ATE1: variants seen among roughly 807,000 people sequenced by gnomAD.
The protein encoded by ATE1 is arginyl-tRNA--protein transferase 1.
Under a neutral mutation model 70.5 loss-of-function variants are expected in ATE1, and 36 were observed. That is an observed-to-expected ratio of 0.51 (90% CI 0.39 to 0.67). ATE1 has a LOEUF of 0.67. ATE1 is among the 30% of genes least tolerant of loss of function. ATE1 has a pLI of 0.00. For missense variants in ATE1, 593 were observed against 629.5 expected, an observed-to-expected ratio of 0.94 and a Z score of 0.62; for synonymous variants, 232 against 219.3, an observed-to-expected ratio of 1.06 and a Z score of -0.51.
At chr10:121,803,283 T>C (rs1195165707) in intron 10 of ATE1, among the ~76,000 whole-genome samples, 1 of 152,202 alleles carries the variant, frequency 6.6e-6, no homozygotes, top group Non-Finnish European at 1.5e-5. Flanking sequence ...ATCGTATTTC[T>C]TAAAAAGAGA....
intron 1 of ATE1, among the ~76,000 whole-genome samples, 181 bp from the exon 2 acceptor site, chr10:121,924,510 C>T (rs1952007071): frequency 6.6e-6 from 1 of 151,972 alleles, no homozygotes; most frequent in Non-Finnish European, 1.5e-5. Flanking sequence ...ACCAGCCTGG[C>T]CAACATGGTG....
intron 8 of ATE1, among the ~76,000 whole-genome samples, chr10:121,851,204 G>T (rs569261823): frequency 6.8e-6 from 1 of 147,810 alleles, no homozygotes; most frequent in South Asian, 2.2e-4. Context: ...CAGATCGCTT[G>T]AGTCCAGGAG....
intron 10 of ATE1, among the ~76,000 whole-genome samples, chr10:121,791,520 T>C (rs1268225289): frequency 6.6e-6 from 1 of 152,230 alleles, no homozygotes; most frequent in Non-Finnish European, 1.5e-5. Flanking sequence ...TTTGAAAACA[T>C]TTTGTGAAAA....
At position 121,876,333 on chromosome 10, in the gene ATE1, C is replaced by T. The variant is rs147458326; in HGVS notation, c.943-6295G>A. 7.1e-3 allele frequency among the ~76,000 whole-genome samples: 1,076 copies of T among 152,302 alleles called. 24 individuals carry two copies. Among genetic ancestry groups the T allele is most frequent in the African/African-American group, 0.024 (1,018 of 41,560 alleles). Reference sequence around the variant, plus strand: ...GCTAACACATATCCTAATTAATGAGCTACTTCACTAAATATCTTTTTACTA... The same window carrying T: ...GCTAACACATATCCTAATTAATGAGTTACTTCACTAAATATCTTTTTACTA... On this transcript the variant is annotated intron_variant, in intron 7 of 11. Coordinates refer to ENST00000224652, the MANE Select transcript of ATE1 (RefSeq NM_001001976.3).
At chr10:121,848,306 TC>T in intron 8 of ATE1, among the ~76,000 whole-genome samples, 1 of 151,674 alleles carries the variant, frequency 6.6e-6, no homozygotes, top group Non-Finnish European at 1.5e-5. Context: ...ATTCATTCAT[TC>T]ATTCATTCAT....
intron 1 of ATE1, chr10:121,927,538 G>T (rs1486584581): frequency 1.0e-6 from 1 of 985,046 alleles, no homozygotes; most frequent in Non-Finnish European, 1.2e-6. Context: ...GCTCTGGGGC[G>T]TTCCCTGGCA....
chr10:121,791,250 C>T (rs1449348104), intron 10 of ATE1, among the ~76,000 whole-genome samples: 4 of 151,702 alleles, frequency 2.6e-5, no homozygotes, highest in Admixed American at 6.6e-5. Context: ...TATGCCACCA[C>T]GCCATGCTAA....
intron 11 of ATE1, among the ~76,000 whole-genome samples, chr10:121,763,755 T>G (rs1945156053): frequency 1.3e-5 from 2 of 152,166 alleles, no homozygotes; most frequent in South Asian, 4.1e-4. Context: ...GGCTCACACT[T>G]GTAATCCCAG....
At chr10:121,816,078 A>G (rs972475657) in intron 10 of ATE1, among the ~76,000 whole-genome samples, 1 of 152,130 alleles carries the variant, frequency 6.6e-6, no homozygotes, top group Admixed American at 6.5e-5. Context: ...ATTTCACTTC[A>G]TTGCCCTACT....
chr10:121,869,967 T>C (rs769921289), intron 8 of ATE1, 39 bp downstream of exon 8: 3 of 1,553,666 alleles, frequency 1.9e-6, no homozygotes, highest in Non-Finnish European at 2.7e-6. Context: ...TGGTGTTCAA[T>C]TACCAATTCT....
intron 9 of ATE1, among the ~76,000 whole-genome samples, chr10:121,837,788 C>T (rs1948482339): frequency 6.6e-6 from 1 of 152,106 alleles, no homozygotes; most frequent in Non-Finnish European, 1.5e-5. Flanking sequence ...AATCCTATTT[C>T]CAGAATTAAT....
At chr10:121,898,915 G>A in intron 7 of ATE1, 1 of 1,614,036 alleles carries the variant, frequency 6.2e-7, no homozygotes, top group Non-Finnish European at 8.5e-7. Context: ...GAAAAGGACT[G>A]GCTGAAAGAC....
At chr10:121,843,727 CAA>C (rs555110989) in intron 8 of ATE1, among the ~76,000 whole-genome samples, 9 of 138,242 alleles carry the variant, frequency 6.5e-5, no homozygotes, top group Admixed American at 1.4e-4. Context: ...TATCCATACG[CAA>C]AAAAAAAAAG....
intron 10 of ATE1, among the ~76,000 whole-genome samples, chr10:121,820,951 CT>C (rs899783194): frequency 6.6e-6 from 1 of 152,008 alleles, no homozygotes; most frequent in Non-Finnish European, 1.5e-5. Flanking sequence ...AAACATTTCC[CT>C]TTTTTTTGAG....
intron 11 of ATE1, among the ~76,000 whole-genome samples, chr10:121,787,228 A>C (rs1271274121): frequency 2.6e-5 from 4 of 152,224 alleles, no homozygotes; most frequent in African/African-American, 9.7e-5. Flanking sequence ...CAACAACTGG[A>C]AAGAGAAACA....
At chr10:121,919,667 G>A (rs908605530) in intron 3 of ATE1, among the ~76,000 whole-genome samples, 1 of 151,764 alleles carries the variant, frequency 6.6e-6, no homozygotes, top group African/African-American at 2.4e-5. Context: ...TGAAATCCCA[G>A]CACTTTGAGG....
intron 10 of ATE1, among the ~76,000 whole-genome samples, chr10:121,829,683 T>A (rs978351110): frequency 6.7e-6 from 1 of 149,386 alleles, no homozygotes; most frequent in African/African-American, 2.5e-5. Flanking sequence ...CACTCCAGCC[T>A]GGGCGACAGA....
chr10:121,919,694 TCG>T (rs1336700367), intron 3 of ATE1, among the ~76,000 whole-genome samples: 1 of 145,840 alleles, frequency 6.9e-6, no homozygotes, highest in East Asian at 2.2e-4. Flanking sequence ...GATCACGAGT[TCG>T]AGAGTAGCGC....
At chr10:121,839,176 G>A (rs1253029730) in intron 9 of ATE1, among the ~76,000 whole-genome samples, 1 of 152,140 alleles carries the variant, frequency 6.6e-6, no homozygotes, top group Non-Finnish European at 1.5e-5. Flanking sequence ...ATGACCTCAG[G>A]CTCCTCTCCT....
Sources: allele counts gnomAD v4.1 joint callset (sites outside exome capture counted in the v4.1 genomes callset), GRCh38; gene constraint gnomAD v4.1.1; transcripts MANE v1.5; gene names NCBI Gene and HGNC (gene_info 2026-07-23, HGNC 2026-07-21).